C8orf34: variants seen among roughly 807,000 people sequenced by gnomAD.
C8orf34 encodes the protein uncharacterized protein C8orf34.
Under a neutral mutation model 68.3 loss-of-function variants are expected in C8orf34, and 65 were observed. The observed-to-expected ratio is 0.95, with a 90% CI of 0.78 to 1.17. The LOEUF (loss-of-function observed/expected upper bound fraction) is 1.17. Among genes scored for constraint, C8orf34 ranks in the 50% most tolerant of loss-of-function variants. The probability of loss-of-function intolerance (pLI) is 0.00; values close to 1 mark genes in which losing one functional copy is unlikely to be tolerated. For missense variants in C8orf34, 664 were observed against 655.4 expected (o/e 1.01, Z -0.14); for synonymous variants, 244 against 241.2 (o/e 1.01, Z -0.11).
intron 10 of C8orf34, among the ~76,000 whole-genome samples, chr8:68,774,524 T>C (rs2129528529): frequency 6.6e-6 from 1 of 152,052 alleles, no homozygotes; most frequent in East Asian, 1.9e-4. Flanking sequence ...CCATTGAAAA[T>C]CCTACAAGTT....
At chr8:68,738,721 C>A (rs993225878) in intron 10 of C8orf34, among the ~76,000 whole-genome samples, 4 of 151,924 alleles carry the variant, frequency 2.6e-5, no homozygotes, top group Non-Finnish European at 5.9e-5. Context: ...TACATCCTCC[C>A]AAGAATAAAC....
chr8:68,468,673 C>T lies in C8orf34; in HGVS notation c.608-19C>T, dbSNP rs1457937201. On this transcript the variant is annotated intron_variant, in intron 3 of 13. Transcript: ENST00000518698. ...ATTATGTAGCATGCTTATGAAATTA[C>T]CATTTTTTTTAAACATAGTGCCAAG... 1.2e-6 allele frequency: 2 copies of T among 1,607,234 alleles called. No homozygotes were observed. The highest frequency in any genetic ancestry group is 1.7e-6 in the Non-Finnish European group (2 of 1,177,202).
At chr8:68,590,628 G>C (rs1190377957) in intron 7 of C8orf34, among the ~76,000 whole-genome samples, 1 of 152,162 alleles carries the variant, frequency 6.6e-6, no homozygotes, top group African/African-American at 2.4e-5. Flanking sequence ...AAATGAAATC[G>C]TTGAAGTTCT....
At chr8:68,377,268 C>A (rs968525811) in intron 1 of C8orf34, among the ~76,000 whole-genome samples, 1 of 152,072 alleles carries the variant, frequency 6.6e-6, no homozygotes, top group Non-Finnish European at 1.5e-5. Context: ...TGGTGGCATG[C>A]ACCTGTGGTG....
chr8:68,799,146 G>A (rs57486369), intron 12 of C8orf34, among the ~76,000 whole-genome samples: 14,542 of 152,178 alleles, frequency 0.096, 771 homozygotes, highest in Non-Finnish European at 0.12. Context: ...GGGATGCATG[G>A]CCCAAATTTT....
chr8:68,779,486 C>T (rs1009386236), intron 11 of C8orf34, among the ~76,000 whole-genome samples: 37 of 152,138 alleles, frequency 2.4e-4, no homozygotes, highest in African/African-American at 8.9e-4. Context: ...GCTTCACAAT[C>T]TCTTAGGGTG....
Position 68,455,402 on chromosome 8 carries a change from T to C in C8orf34, c.607+8942T>C, listed in dbSNP as rs182978152. 2.8e-3 allele frequency among the ~76,000 whole-genome samples: 434 copies of C among 152,290 alleles called. 2 individuals are homozygous for C. The highest frequency in any genetic ancestry group is 0.01 in the African/African-American group (421 of 41,560). On this transcript the variant is annotated intron_variant, in intron 3 of 13. Coordinates refer to ENST00000518698, the MANE Select transcript of C8orf34 (RefSeq NM_052958.4). ...AAATTATGTCAATATTTCCTTCCTA[T>C]ATTTTAAGGCTCTGCAGCTAGGTGT...
intron 12 of C8orf34, among the ~76,000 whole-genome samples, chr8:68,813,079 GA>G (rs1173386592): frequency 6.6e-6 from 1 of 152,158 alleles, no homozygotes; most frequent in Non-Finnish European, 1.5e-5. Flanking sequence ...GTTTCTCTCT[GA>G]AAAAACTTGT....
intron 6 of C8orf34, among the ~76,000 whole-genome samples, chr8:68,532,269 G>A (rs1815280408): frequency 6.6e-6 from 1 of 152,132 alleles, no homozygotes; most frequent in Non-Finnish European, 1.5e-5. Flanking sequence ...AAAAGTTATA[G>A]CACCATCTGA....
chr8:68,687,900 T>A (rs1251345973), intron 8 of C8orf34, among the ~76,000 whole-genome samples: 1 of 151,872 alleles, frequency 6.6e-6, no homozygotes, highest in Non-Finnish European at 1.5e-5. Flanking sequence ...TACAAGGGAC[T>A]CAAACAAATC....
chr8:68,467,926 T>A (rs998594630), intron 3 of C8orf34, among the ~76,000 whole-genome samples: 31 of 151,896 alleles, frequency 2.0e-4, no homozygotes, highest in Middle Eastern at 6.8e-3. Flanking sequence ...AACCATTTTT[T>A]AAAAAAAATA....
At chr8:68,565,573 C>T (rs1283235323) in intron 7 of C8orf34, among the ~76,000 whole-genome samples, 1 of 152,126 alleles carries the variant, frequency 6.6e-6, no homozygotes, top group African/African-American at 2.4e-5. Context: ...TGCAGTGTGC[C>T]CTTTAGAAGC....
chr8:68,713,434 G>C (rs1585768936), intron 9 of C8orf34, among the ~76,000 whole-genome samples: 1 of 151,974 alleles, frequency 6.6e-6, no homozygotes. Context: ...GAAAAGAAGA[G>C]AGAAGATGCA....
At chr8:68,422,718 T>C (rs1810032923) in intron 1 of C8orf34, among the ~76,000 whole-genome samples, 1 of 152,164 alleles carries the variant, frequency 6.6e-6, no homozygotes, top group African/African-American at 2.4e-5. Flanking sequence ...ACCCCACATT[T>C]CCCTTCCACA....
chr8:68,594,598 T>C (rs1817488582), intron 7 of C8orf34, among the ~76,000 whole-genome samples: 1 of 152,138 alleles, frequency 6.6e-6, no homozygotes, highest in Admixed American at 6.6e-5. Flanking sequence ...CCTAAAAATA[T>C]TAAAACAACT....
At chr8:68,661,848 C>T (rs1376639384) in intron 8 of C8orf34, among the ~76,000 whole-genome samples, 1 of 152,036 alleles carries the variant, frequency 6.6e-6, no homozygotes, top group East Asian at 1.9e-4. Context: ...TAATTCCTTT[C>T]AATGTGAAGG....
chr8:68,394,051 T>C (rs1808583889), intron 1 of C8orf34, among the ~76,000 whole-genome samples: 1 of 151,840 alleles, frequency 6.6e-6, no homozygotes, highest in Non-Finnish European at 1.5e-5. Context: ...TCAAGAATAA[T>C]GCCACAGGCA....
intron 1 of C8orf34, among the ~76,000 whole-genome samples, chr8:68,340,465 G>A (rs1806023765): frequency 6.6e-6 from 1 of 152,058 alleles, no homozygotes; most frequent in Admixed American, 6.6e-5. Flanking sequence ...AGGAAAAAGA[G>A]AGAAATCTCA....
intron 5 of C8orf34, among the ~76,000 whole-genome samples, chr8:68,495,962 A>G (rs1813505115): frequency 6.6e-6 from 1 of 152,094 alleles, no homozygotes; most frequent in African/African-American, 2.4e-5. Context: ...CTAAAAGTTT[A>G]TTTTTCTGTT....
Sources: gnomAD v4.1 joint callset for allele counts (sites outside exome capture counted in the v4.1 genomes callset) on GRCh38, gnomAD v4.1.1 for gene constraint, MANE v1.5 for transcripts, NCBI Gene and HGNC (gene_info 2026-07-23, HGNC 2026-07-21) for gene names.